The following SLC16A4 variants were observed in gnomAD, a reference collection of about 807,000 sequenced individuals.
SLC16A4 encodes solute carrier family 16 member 4.
Under a neutral mutation model 47.9 loss-of-function variants are expected in SLC16A4, and 39 were observed. The ratio of observed to expected loss-of-function variants is 0.81; its 90% CI spans 0.63 to 1.06. The LOEUF (loss-of-function observed/expected upper bound fraction) is 1.06. Ranked by LOEUF, SLC16A4 falls within the 50% of genes least tolerant of loss-of-function variation. The pLI is 0.00. For missense variants in SLC16A4, 524 were observed against 573.8 expected, an observed-to-expected ratio of 0.91 and a Z score of 0.89; for synonymous variants, 189 against 199.9, an observed-to-expected ratio of 0.95 and a Z score of 0.46.
At chr1:110,383,805 G>GTGTT (rs1662568800) in intron 2 of SLC16A4, among the ~76,000 whole-genome samples, 1 of 65,740 alleles carries the variant, frequency 1.5e-5, no homozygotes. Context: ...TTAAAAGGAG[G>GTGTT]TTTTTTTTTT....
At chr1:110,372,823 T>C (rs991123799) in intron 8 of SLC16A4, 1 of 152,170 alleles carries the variant, frequency 6.6e-6, no homozygotes, top group African/African-American at 2.4e-5. Flanking sequence ...GTAAAAAATA[T>C]ATTATGAGTT....
intron 8 of SLC16A4, among the ~76,000 whole-genome samples, chr1:110,368,000 T>C (rs1291436117): frequency 6.6e-6 from 1 of 152,112 alleles, no homozygotes; most frequent in Non-Finnish European, 1.5e-5. Flanking sequence ...GGCTAATTTT[T>C]TGTATTTTTA....
At chr1:110,385,147 T>G (rs1438250405) in intron 2 of SLC16A4, among the ~76,000 whole-genome samples, 1 of 152,230 alleles carries the variant, frequency 6.6e-6, no homozygotes, top group East Asian at 1.9e-4. Context: ...TCTCAAGGTT[T>G]TAATTACCAC....
chr1:110,368,844 AT>A (rs11323780), intron 8 of SLC16A4, among the ~76,000 whole-genome samples: 58,313 of 151,918 alleles, frequency 0.38, 11,767 homozygotes, highest in Non-Finnish European at 0.46. Context: ...ACATTATTTT[AT>A]GTGTTAGGCC....
intron 8 of SLC16A4, among the ~76,000 whole-genome samples, chr1:110,369,556 T>A (rs1661581798): frequency 6.6e-6 from 1 of 152,050 alleles, no homozygotes; most frequent in African/African-American, 2.4e-5. Context: ...ACCACTGCAC[T>A]CCAGCCTGGG....
intron 2 of SLC16A4, among the ~76,000 whole-genome samples, chr1:110,389,004 C>T (rs560478895): frequency 1.2e-4 from 18 of 152,344 alleles, no homozygotes; most frequent in African/African-American, 4.3e-4. Flanking sequence ...GCCCCCACAC[C>T]CAGCCCAGGA....
intron 8 of SLC16A4, among the ~76,000 whole-genome samples, chr1:110,368,208 A>G (rs1213171875): frequency 6.6e-6 from 1 of 152,260 alleles, no homozygotes; most frequent in Non-Finnish European, 1.5e-5. Flanking sequence ...AAGCACACAC[A>G]TAAGTTGACA....
At chr1:110,367,140 G>A (rs1373032494) in intron 8 of SLC16A4, among the ~76,000 whole-genome samples, 2 of 152,168 alleles carry the variant, frequency 1.3e-5, no homozygotes, top group East Asian at 1.9e-4. Context: ...TTTGAGCTTC[G>A]TTGCTATTGA....
At chr1:110,373,601 T>A (rs1021090778) in intron 8 of SLC16A4, among the ~76,000 whole-genome samples, 6 of 152,188 alleles carry the variant, frequency 3.9e-5, no homozygotes, top group African/African-American at 1.4e-4. Context: ...TGCATATTTA[T>A]GTAAATTTTT....
At chr1:110,384,197 A>G (rs375239321) in intron 2 of SLC16A4, among the ~76,000 whole-genome samples, 6 of 152,224 alleles carry the variant, frequency 3.9e-5, no homozygotes, top group African/African-American at 1.4e-4. Context: ...GTTTGTCCAA[A>G]GAGGAATAAT....
intron 2 of SLC16A4, among the ~76,000 whole-genome samples, chr1:110,383,805 GTTTTTTTTTTTTT>G (rs71096348): frequency 1.5e-5 from 1 of 65,740 alleles, no homozygotes; most frequent in Admixed American, 2.1e-4. Context: ...TTAAAAGGAG[GTTTTTTTTTTTTT>G]TTTTTTTTTT....
At chr1:110,385,675 C>T (rs535222769) in intron 2 of SLC16A4, among the ~76,000 whole-genome samples, 1 of 152,120 alleles carries the variant, frequency 6.6e-6, no homozygotes, top group African/African-American at 2.4e-5. Flanking sequence ...TCACTACTGG[C>T]GATGCTCAGA....
In SLC16A4 at chr1:110,363,121, A is replaced by T. The variant is rs534616410; in HGVS notation, c.*645T>A. 1 of 152,252 alleles carries T rather than the reference A, an allele frequency of 6.6e-6. No individual in the cohort carries two copies. Among genetic ancestry groups the T allele is most frequent in the East Asian group, 1.9e-4 (1 of 5,182 alleles). The allele number at this position is 152,252 out of a possible 1,614,324, so 9.4% of individuals were successfully genotyped here. A position where few individuals can be genotyped will look rare whatever the true frequency, so the allele number is the denominator to read the frequency against. On this transcript the variant is annotated 3_prime_UTR_variant, in exon 9 of 9. Transcript: ENST00000369779. ...GTTTCACACTTCTTTAAATTAAAAA[A>T]TTTTCTATCTTTACATATTTTAGTG...
intron 8 of SLC16A4, 116 bp from the exon 9 acceptor site, chr1:110,364,009 T>C (rs1661227659): frequency 6.5e-6 from 7 of 1,071,006 alleles, no homozygotes; most frequent in Non-Finnish European, 8.9e-6. Flanking sequence ...TTGAACTTAG[T>C]GAAGCTTCTT....
chr1:110,376,249 G>A (rs1311272387), intron 7 of SLC16A4, among the ~76,000 whole-genome samples: 1 of 152,114 alleles, frequency 6.6e-6, no homozygotes, highest in East Asian at 1.9e-4. Flanking sequence ...ATATCACAAG[G>A]AGTTAATTTC....
In SLC16A4 at chr1:110,389,283, GT is replaced by G. The variant is rs1484019232; in HGVS notation, c.40del (p.Thr14ProfsTer9). On this transcript the variant is annotated frameshift_variant, in exon 2 of 9. Coordinates refer to ENST00000369779, the MANE Select transcript of SLC16A4 (RefSeq NM_004696.3). LOFTEE classifies it high-confidence loss of function. ...REGKVQPYTK[T>X]LDGGWGWMIV... ...CATCCATCCCCATCCTCCATCCAGG[GT>G]TTTAGTGTAAGGTTGGACCTTCCCC... 1 of 1,614,074 alleles carries G rather than the reference GT, an allele frequency of 6.2e-7. No homozygotes were observed. The highest frequency in any genetic ancestry group is 8.5e-7 in the Non-Finnish European group (1 of 1,179,902).
Position 110,375,368 on chromosome 1 carries a change from A to C in SLC16A4, c.1336+90T>G, listed in dbSNP as rs112959348. The C allele has an allele frequency of 7.0e-5, 54 of 773,638 alleles. 1 individual carries two copies. Among genetic ancestry groups the C allele is most frequent in the African/African-American group, 6.6e-4 (39 of 58,706 alleles). 47.9% of individuals were successfully genotyped at this position (773,638 alleles called of 1,614,324 possible). A position where few individuals can be genotyped will look rare whatever the true frequency, so the allele number is the denominator to read the frequency against. Reference sequence around the variant, plus strand: ...GAAATAATCTGTTTCTTTTAACCTGATACCATCATTACATGTTACCATTAA... The same window carrying C: ...GAAATAATCTGTTTCTTTTAACCTGCTACCATCATTACATGTTACCATTAA... On this transcript the variant is annotated intron_variant, in intron 8 of 8. Coordinates refer to ENST00000369779, the MANE Select transcript of SLC16A4 (RefSeq NM_004696.3).
At chr1:110,386,666 AT>A (rs1355149869) in intron 2 of SLC16A4, among the ~76,000 whole-genome samples, 1 of 152,142 alleles carries the variant, frequency 6.6e-6, no homozygotes, top group Non-Finnish European at 1.5e-5. Flanking sequence ...TCAGTGACTT[AT>A]TTTCAATACA....
At chr1:110,381,583 A>G in intron 4 of SLC16A4, 69 bp downstream of exon 4, 2 of 1,526,258 alleles carry the variant, frequency 1.3e-6, no homozygotes, top group Non-Finnish European at 1.8e-6. Context: ...GGCCTCCCAA[A>G]GTGCTAGGAT....
Sources: gnomAD v4.1 joint callset for allele counts (sites outside exome capture counted in the v4.1 genomes callset) on GRCh38, gnomAD v4.1.1 for gene constraint, MANE v1.5 for transcripts, NCBI Gene and HGNC (gene_info 2026-07-23, HGNC 2026-07-21) for gene names.